NCAM2: variants seen among roughly 807,000 people sequenced by gnomAD.
The protein encoded by NCAM2 is N-CAM-2.
In NCAM2, 30 loss-of-function variants were observed where a neutral mutation model predicts 98.1. That is an observed-to-expected ratio of 0.31 (90% CI 0.23 to 0.41). The LOEUF is 0.41. Among genes scored for constraint, NCAM2 ranks in the 10% least tolerant of loss-of-function variants. The probability of loss-of-function intolerance (pLI) is 1.00; values close to 1 mark genes in which losing one functional copy is unlikely to be tolerated. For synonymous variants in NCAM2, 368 were observed against 342.4 expected (o/e 1.07, Z -0.83); for missense variants, 867 against 1,005.8 (o/e 0.86, Z 1.87).
intron 12 of NCAM2, among the ~76,000 whole-genome samples, chr21:21,452,699 T>A (rs370344115): frequency 0.015 from 1,651 of 111,732 alleles, 15 homozygotes; most frequent in Middle Eastern, 0.032. Flanking sequence ...TATATCATTT[T>A]AAAAATATAA....
chr21:21,415,764 CTCT>C (rs1043268438), intron 10 of NCAM2, among the ~76,000 whole-genome samples: 7 of 152,308 alleles, frequency 4.6e-5, no homozygotes, highest in Non-Finnish European at 8.8e-5. Flanking sequence ...CAGCTTCAAA[CTCT>C]TCTTCTGCAC....
chr21:21,354,693 G>A (rs1381214756), intron 8 of NCAM2, among the ~76,000 whole-genome samples: 1 of 152,108 alleles, frequency 6.6e-6, no homozygotes, highest in East Asian at 1.9e-4. Flanking sequence ...GTTGTAATTA[G>A]GATAGAACCT....
At chr21:21,386,731 A>T (rs2076278706) in intron 9 of NCAM2, among the ~76,000 whole-genome samples, 1 of 152,048 alleles carries the variant, frequency 6.6e-6, no homozygotes, top group Non-Finnish European at 1.5e-5. Flanking sequence ...TTCAGATCAG[A>T]TCTTGTTAAA....
chr21:21,266,500 A>C (rs1466372513), intron 1 of NCAM2, among the ~76,000 whole-genome samples: 1 of 152,320 alleles, frequency 6.6e-6, no homozygotes, highest in South Asian at 2.1e-4. Flanking sequence ...AGACGTATTA[A>C]GAAAATGTGG....
At position 21,314,723 on chromosome 21, in the gene NCAM2, ACTCT is replaced by A. The variant is rs577750195; in HGVS notation, c.620-9655_620-9652del. On this transcript the variant is annotated intron_variant, in intron 5 of 17. Transcript: ENST00000400546. ...CATTTGTAATTCTTTATGTTTGATA[ACTCT>A]CTCTGTCAATCAATTCAGCACATCC... Among the ~76,000 whole-genome samples the A allele has an allele frequency of 7.4e-3, 1,127 of 151,548 alleles. 9 individuals carry two copies. The highest frequency in any genetic ancestry group is 0.041 in the South Asian group (195 of 4,806).
At chr21:21,131,279 TG>T (rs568391931) in intron 1 of NCAM2, among the ~76,000 whole-genome samples, 2 of 144,774 alleles carry the variant, frequency 1.4e-5, no homozygotes, top group African/African-American at 5.3e-5. Flanking sequence ...TTAATTTTTC[TG>T]GGGGGGGGCT....
At chr21:21,105,676 A>G (rs2146505782) in intron 1 of NCAM2, among the ~76,000 whole-genome samples, 1 of 152,276 alleles carries the variant, frequency 6.6e-6, no homozygotes, top group Non-Finnish European at 1.5e-5. Flanking sequence ...AAAAAGACTA[A>G]TAAAACTCTT....
rs180722743 is a variant in NCAM2 at position 21,185,218 on chromosome 21, A to G, written c.56-95360A>G. ...TTTATTTTTCAGATTTTTGGCTGAAATTAATAAGAATGCCTGTCTAAAAAT... is the reference window on the plus strand; with the variant it reads ...TTTATTTTTCAGATTTTTGGCTGAAGTTAATAAGAATGCCTGTCTAAAAAT... On this transcript the variant is annotated intron_variant, in intron 1 of 17. Transcript: ENST00000400546. 2.8e-3 allele frequency among the ~76,000 whole-genome samples: 421 copies of G among 152,320 alleles called. 2 individuals are homozygous for G. The highest frequency in any genetic ancestry group is 9.6e-3 in the African/African-American group (400 of 41,582).
At position 21,500,520 on chromosome 21, in the gene NCAM2, A is replaced by T. The variant is rs559605623; in HGVS notation, c.2078-8331A>T. Among the ~76,000 whole-genome samples, 19 of 135,330 alleles carry T rather than the reference A, an allele frequency of 1.4e-4. No individual in the cohort carries two copies. In the South Asian group the frequency reaches 4.4e-3, roughly 31 times the overall value. The allele number at this position is 135,330 out of a possible 152,430, so 88.8% of individuals were successfully genotyped here. On this transcript the variant is annotated intron_variant, in intron 15 of 17. Coordinates refer to ENST00000400546, the MANE Select transcript of NCAM2 (RefSeq NM_004540.5). ...ATTCAGTGAATTTTATAACTTGCGT[A>T]AATCAAAATTTTCATTTTCCTTTTT...
At chr21:21,032,007 A>G (rs1423833807) in intron 1 of NCAM2, among the ~76,000 whole-genome samples, 3 of 152,198 alleles carry the variant, frequency 2.0e-5, no homozygotes, top group Non-Finnish European at 2.9e-5. Flanking sequence ...ATGTGGCTTG[A>G]TAGGTTTTAT....
intron 1 of NCAM2, among the ~76,000 whole-genome samples, chr21:21,275,295 C>T: frequency 6.6e-6 from 1 of 151,626 alleles, no homozygotes; most frequent in Non-Finnish European, 1.5e-5. Flanking sequence ...AAAAAATTAG[C>T]CGGGCGTGGT....
intron 16 of NCAM2, among the ~76,000 whole-genome samples, chr21:21,519,139 G>T (rs1988874053): frequency 6.6e-6 from 1 of 152,088 alleles, no homozygotes. Context: ...ATAAATATCA[G>T]ATTGGGAAAT....
intron 8 of NCAM2, among the ~76,000 whole-genome samples, chr21:21,341,655 A>G (rs1344162429): frequency 1.3e-5 from 2 of 152,030 alleles, no homozygotes; most frequent in Non-Finnish European, 1.5e-5. Context: ...TATTTAGCAA[A>G]TATGTTCATC....
At chr21:21,522,776 C>T (rs1041956180) in intron 16 of NCAM2, among the ~76,000 whole-genome samples, 3 of 151,482 alleles carry the variant, frequency 2.0e-5, no homozygotes, top group Non-Finnish European at 2.9e-5. Context: ...GGATTACAGG[C>T]GTGTGCCACC....
chr21:21,523,243 C>G (rs1989132696), intron 16 of NCAM2, among the ~76,000 whole-genome samples: 1 of 152,030 alleles, frequency 6.6e-6, no homozygotes, highest in Non-Finnish European at 1.5e-5. Flanking sequence ...CTCTTGAGGT[C>G]TTACTCAAGA....
intron 16 of NCAM2, among the ~76,000 whole-genome samples, chr21:21,527,540 C>T (rs979446666): frequency 9.2e-5 from 14 of 151,828 alleles, no homozygotes; most frequent in African/African-American, 2.9e-4. Context: ...AGAAAGTGGG[C>T]CAAAATACTT....
intron 1 of NCAM2, among the ~76,000 whole-genome samples, chr21:21,146,792 C>A (rs1007399808): frequency 6.6e-6 from 1 of 152,128 alleles, no homozygotes; most frequent in African/African-American, 2.4e-5. Flanking sequence ...ACTCAAACTG[C>A]ATGTTTTAAC....
Position 21,543,013 on chromosome 21 carries a change from T to A in NCAM2, c.*5056T>A, listed in dbSNP as rs1341525018. ...GTGAAGTTAGAAATAAAGGTTTTTT[T>A]AAAAAAAAAGCTTTTTTGGTATGTG... On this transcript the variant is annotated 3_prime_UTR_variant, in exon 18 of 18. Coordinates refer to ENST00000400546, the MANE Select transcript of NCAM2 (RefSeq NM_004540.5). 1 of 151,074 alleles carries A rather than the reference T, an allele frequency of 6.6e-6. No homozygotes were observed. Among genetic ancestry groups the A allele is most frequent in the Non-Finnish European group, 1.5e-5 (1 of 67,578 alleles). The allele number at this position is 151,074 out of a possible 1,614,324, so 9.4% of individuals were successfully genotyped here.
At chr21:21,420,994 T>C (rs938305942) in intron 11 of NCAM2, among the ~76,000 whole-genome samples, 50 of 151,670 alleles carry the variant, frequency 3.3e-4, no homozygotes, top group Non-Finnish European at 5.8e-4. Flanking sequence ...TTTAAATTAG[T>C]ATATAATTTT....
Sources: gnomAD v4.1 joint callset for allele counts (sites outside exome capture counted in the v4.1 genomes callset) on GRCh38, gnomAD v4.1.1 for gene constraint, MANE v1.5 for transcripts, NCBI Gene and HGNC (gene_info 2026-07-23, HGNC 2026-07-21) for gene names.